The following TMEM38B variants were observed in gnomAD, a reference collection of about 807,000 sequenced individuals.
TMEM38B encodes the protein transmembrane protein 38B, also known as trimeric intracellular cation channel type B.
TMEM38B carries 24 observed loss-of-function variants against 28.7 expected under a neutral mutation model. That is an observed-to-expected ratio of 0.84 (90% CI 0.61 to 1.18). The LOEUF is 1.18. Ranked by LOEUF, TMEM38B falls within the 50% of genes most tolerant of loss-of-function variation. The pLI is 0.00. For missense variants in TMEM38B, 380 were observed against 350.9 expected, an observed-to-expected ratio of 1.08 and a Z score of -0.66; for synonymous variants, 131 against 127.7, an observed-to-expected ratio of 1.03 and a Z score of -0.17.
intron 2 of TMEM38B, among the ~76,000 whole-genome samples, chr9:105,719,216 T>C (rs1836229793): frequency 6.6e-6 from 1 of 152,210 alleles, no homozygotes; most frequent in South Asian, 2.1e-4. Flanking sequence ...TGTATCCCGT[T>C]TGAGACGTTT....
rs1489957515 is a variant in TMEM38B at position 105,769,385 on chromosome 9, G to A, written c.661-4480G>A. On this transcript the variant is annotated intron_variant, in intron 5 of 5. Coordinates refer to ENST00000374692, the MANE Select transcript of TMEM38B (RefSeq NM_018112.3). Reference sequence around the variant, plus strand: ...GGCTGGAGTGCAGTGGCATGATCACGGCTCACTGCAGCCTTGACTTCCCAG... The same window carrying A: ...GGCTGGAGTGCAGTGGCATGATCACAGCTCACTGCAGCCTTGACTTCCCAG... Among the ~76,000 whole-genome samples, 7 of 152,134 alleles carry A rather than the reference G, an allele frequency of 4.6e-5. No homozygotes were observed. In the South Asian group the frequency reaches 1.5e-3, roughly 32 times the overall value.
At chr9:105,767,661 A>G (rs1826419529) in intron 5 of TMEM38B, among the ~76,000 whole-genome samples, 1 of 152,186 alleles carries the variant, frequency 6.6e-6, no homozygotes, top group South Asian at 2.1e-4. Flanking sequence ...TGTTAAATTT[A>G]AATTTATCCT....
chr9:105,750,069 G>A (rs1259323946), intron 5 of TMEM38B, among the ~76,000 whole-genome samples: 1 of 152,202 alleles, frequency 6.6e-6, no homozygotes, highest in Admixed American at 6.5e-5. Context: ...TGGGTGTGAA[G>A]TGGCATCTCA....
chr9:105,700,119 C>T (rs757904675), intron 1 of TMEM38B, among the ~76,000 whole-genome samples: 7 of 152,158 alleles, frequency 4.6e-5, no homozygotes, highest in Non-Finnish European at 8.8e-5. Context: ...CTAAATTCTG[C>T]CATGACTATT....
At chr9:105,747,929 T>C in intron 4 of TMEM38B, 144 bp from the exon 5 acceptor site, 3 of 577,688 alleles carry the variant, frequency 5.2e-6, no homozygotes, top group Middle Eastern at 4.6e-4. Context: ...CTTTCAACAC[T>C]TTTTAAAGTG....
chr9:105,716,374 T>TTGTGTGTGTGTGTGTGTG (rs139155061), intron 2 of TMEM38B, among the ~76,000 whole-genome samples: 3,580 of 150,714 alleles, frequency 0.024, 158 homozygotes, highest in African/African-American at 0.081. Flanking sequence ...GTTGTAGCAT[T>TTGTGTGTGTGTGTGTGTG]TGTGTGTGTG....
chr9:105,705,467 C>A (rs1835622342), intron 1 of TMEM38B, 130 bp from the exon 2 acceptor site: 1 of 859,514 alleles, frequency 1.2e-6, no homozygotes, highest in East Asian at 2.7e-5. Flanking sequence ...TTTTGACTGG[C>A]ACACCTATGA....
At chr9:105,705,901 GGTT>G in intron 2 of TMEM38B, 148 bp downstream of exon 2, 3 of 746,350 alleles carry the variant, frequency 4.0e-6, no homozygotes, top group East Asian at 3.0e-5. Flanking sequence ...AATGCTAAGG[GGTT>G]TTTTTTTTTT....
Position 105,774,300 on chromosome 9 carries a change from G to A in TMEM38B, c.*220G>A. 2.4e-6 allele frequency: 1 copy of A among 411,518 alleles called. No homozygotes were observed. Among genetic ancestry groups the A allele is most frequent in the Non-Finnish European group, 4.3e-6 (1 of 232,596 alleles). The allele number at this position is 411,518 out of a possible 1,614,324, so 25.5% of individuals were successfully genotyped here. A position where few individuals can be genotyped will look rare whatever the true frequency, so the allele number is the denominator to read the frequency against. On this transcript the variant is annotated 3_prime_UTR_variant, in exon 6 of 6. Transcript: ENST00000374692. ...ATGTGATTATGCTTTACCGGTATAA[G>A]AGATTCTGTTGTGATTATTTGAATA... is the stretch of plus-strand genomic sequence containing the variant.
At chr9:105,741,910 G>C (rs374959146) in intron 4 of TMEM38B, among the ~76,000 whole-genome samples, 1 of 152,202 alleles carries the variant, frequency 6.6e-6, no homozygotes, top group East Asian at 1.9e-4. Context: ...TAGTGTTGAA[G>C]GGATTGGATG....
intron 5 of TMEM38B, among the ~76,000 whole-genome samples, chr9:105,770,906 A>C (rs1826523513): frequency 6.6e-6 from 1 of 152,176 alleles, no homozygotes; most frequent in African/African-American, 2.4e-5. Context: ...AGTAGATGTT[A>C]TATTTATTCA....
intron 4 of TMEM38B, among the ~76,000 whole-genome samples, chr9:105,732,532 G>A (rs1473888937): frequency 6.6e-6 from 1 of 152,178 alleles, no homozygotes; most frequent in Non-Finnish European, 1.5e-5. Flanking sequence ...CATGTGGCTA[G>A]CCAGTTTTCC....
chr9:105,752,419 C>T (rs80133802), intron 5 of TMEM38B, among the ~76,000 whole-genome samples: 3,550 of 152,246 alleles, frequency 0.023, 136 homozygotes, highest in African/African-American at 0.081. Context: ...CAGGTGTGTT[C>T]GGTCTGGCAG....
At chr9:105,747,905 C>T (rs1198261026) in intron 4 of TMEM38B, among the ~76,000 whole-genome samples, 168 bp from the exon 5 acceptor site, 1 of 152,126 alleles carries the variant, frequency 6.6e-6, no homozygotes, top group African/African-American at 2.4e-5. Flanking sequence ...GTTTCTTAAT[C>T]CTGTAACTCA....
intron 5 of TMEM38B, chr9:105,759,847 CAG>C: frequency 2.5e-6 from 4 of 1,594,514 alleles, no homozygotes; most frequent in Non-Finnish European, 2.6e-6. Flanking sequence ...TTGTAGGTCT[CAG>C]AGTTTGCTTT....
intron 2 of TMEM38B, among the ~76,000 whole-genome samples, chr9:105,714,244 C>T (rs1201959488): frequency 6.6e-6 from 1 of 152,208 alleles, no homozygotes; most frequent in African/African-American, 2.4e-5. Flanking sequence ...ACAGGATGAC[C>T]TGCCTACAAA....
At chr9:105,759,976 G>A (rs180989919) in intron 5 of TMEM38B, 48 of 1,547,970 alleles carry the variant, frequency 3.1e-5, no homozygotes, top group East Asian at 2.5e-4. Context: ...AAGTGAACTC[G>A]GAGAGTCTAG....
At chr9:105,740,031 C>T (rs1185421308) in intron 4 of TMEM38B, among the ~76,000 whole-genome samples, 16 of 150,596 alleles carry the variant, frequency 1.1e-4, no homozygotes, top group Admixed American at 6.6e-5. Flanking sequence ...TACAGGTGCA[C>T]ACCACCATGC....
intron 4 of TMEM38B, among the ~76,000 whole-genome samples, chr9:105,732,568 C>T (rs995054311): frequency 8.5e-5 from 13 of 152,130 alleles, no homozygotes; most frequent in African/African-American, 2.7e-4. Flanking sequence ...AATAGGGAAT[C>T]CTTTCCCCAT....
Sources: allele counts gnomAD v4.1 joint callset (sites outside exome capture counted in the v4.1 genomes callset), GRCh38; gene constraint gnomAD v4.1.1; transcripts MANE v1.5; gene names NCBI Gene and HGNC (gene_info 2026-07-23, HGNC 2026-07-21).